Variants in RBFOX3 observed in about 807,000 individuals in gnomAD.
RBFOX3 encodes the protein RNA binding fox-1 homolog 3.
Under a neutral mutation model 48.7 loss-of-function variants are expected in RBFOX3, and 17 were observed. That is an observed-to-expected ratio of 0.35 (90% CI 0.24 to 0.52). The LOEUF (loss-of-function observed/expected upper bound fraction) is 0.52, where lower values mean the gene tolerates loss of function less well. Ranked by LOEUF, RBFOX3 falls within the 20% of genes least tolerant of loss-of-function variation. RBFOX3 has a pLI of 0.94. For synonymous variants in RBFOX3, 212 were observed against 209.5 expected (o/e 1.01, Z -0.10); for missense variants, 382 against 497.5 (o/e 0.77, Z 2.21).
intron 2 of RBFOX3, among the ~76,000 whole-genome samples, chr17:79,478,847 T>G (rs1005283868): frequency 6.6e-5 from 10 of 152,172 alleles, no homozygotes; most frequent in African/African-American, 2.4e-4. Context: ...TACTATACAG[T>G]AAAACCCAAA....
At chr17:79,097,940 ACT>A in intron 9 of RBFOX3, 195 bp from the exon 10 acceptor site, 1 of 602,390 alleles carries the variant, frequency 1.7e-6, no homozygotes, top group Non-Finnish European at 3.0e-6. Context: ...CTCCTTCCTG[ACT>A]CTTCTGCCTG....
At chr17:79,474,942 T>C (rs2077518116) in intron 2 of RBFOX3, among the ~76,000 whole-genome samples, 1 of 152,162 alleles carries the variant, frequency 6.6e-6, no homozygotes, top group Admixed American at 6.5e-5. Flanking sequence ...AAGAGCCCCC[T>C]GGAGAGACCT....
chr17:79,097,213 A>T, intron 11 of RBFOX3, 79 bp downstream of exon 11: 1 of 906,192 alleles, frequency 1.1e-6, no homozygotes, highest in Non-Finnish European at 1.5e-6. Flanking sequence ...AGCCCCTCGC[A>T]CTGCGCAGGG....
chr17:79,135,467 C>T (rs2039976053), intron 4 of RBFOX3, among the ~76,000 whole-genome samples: 1 of 152,208 alleles, frequency 6.6e-6, no homozygotes, highest in South Asian at 2.1e-4. Flanking sequence ...GGGATGCTCC[C>T]TGGGAGGCCT....
chr17:79,294,099 G>T (rs2073917908), intron 3 of RBFOX3, among the ~76,000 whole-genome samples: 1 of 152,156 alleles, frequency 6.6e-6, no homozygotes, highest in Non-Finnish European at 1.5e-5. Flanking sequence ...CTTCAACTGG[G>T]GCCACCTGCT....
Position 79,106,695 on chromosome 17 carries a change from T to C in RBFOX3, c.316A>G (p.Ile106Val). The change falls in exon 6 of 15, where the codon ATC (isoleucine) becomes GTC (valine). Residue 106 changes from isoleucine (I) to valine (V), a missense_variant. Coordinates refer to ENST00000693108, the MANE Select transcript of RBFOX3 (RefSeq NM_001350451.2). The part of the protein sequence containing the change: ...QQPKRLHVSN[I>V]PFRFRDPDLR... ...TCGGGGTCCCTGAACCGGAAGGGGA[T>C]GTTGGAGACGTGTAGCCGCTTGGGC... The C allele has an allele frequency of 1.3e-6, 2 of 1,490,840 alleles. No individual in the cohort carries two copies. Among genetic ancestry groups the C allele is most frequent in the Non-Finnish European group, 1.8e-6 (2 of 1,124,920 alleles). The allele number at this position is 1,490,840 out of a possible 1,614,324, so 92.4% of individuals were successfully genotyped here.
chr17:79,324,929 C>A, intron 2 of RBFOX3, among the ~76,000 whole-genome samples: 1 of 152,230 alleles, frequency 6.6e-6, no homozygotes, highest in East Asian at 1.9e-4. Flanking sequence ...CTATCCTCTG[C>A]CTGGGATTTT....
intron 1 of RBFOX3, among the ~76,000 whole-genome samples, chr17:79,582,782 CAAA>C (rs36155299): frequency 2.1e-5 from 1 of 46,908 alleles, no homozygotes; most frequent in African/African-American, 1.0e-4. Context: ...GACCCCGTCT[CAAA>C]AAAAAAAAAA....
At chr17:79,437,057 C>T (rs2069632539) in intron 2 of RBFOX3, among the ~76,000 whole-genome samples, 1 of 152,130 alleles carries the variant, frequency 6.6e-6, no homozygotes, top group Non-Finnish European at 1.5e-5. Flanking sequence ...TACAGGCCGC[C>T]CCGATTCCCT....
In RBFOX3 at chr17:79,407,976, A is replaced by C. The variant is rs148287102; in HGVS notation, c.-175+74478T>G. On this transcript the variant is annotated intron_variant, in intron 2 of 14. Coordinates refer to ENST00000693108, the MANE Select transcript of RBFOX3 (RefSeq NM_001350451.2). Reference sequence around the variant, plus strand: ...GCTTCTCCTCCAAGGAGCTGTGTCGAGCACGGAACCCAGGTCCCAGCTAGT... The same window carrying C: ...GCTTCTCCTCCAAGGAGCTGTGTCGCGCACGGAACCCAGGTCCCAGCTAGT... Among the ~76,000 whole-genome samples, 1,399 of 152,328 alleles carry C rather than the reference A, an allele frequency of 9.2e-3. 25 individuals carry two copies. The highest frequency in any genetic ancestry group is 0.032 in the African/African-American group (1,351 of 41,572).
chr17:79,445,068 G>A (rs1248684336), intron 2 of RBFOX3, among the ~76,000 whole-genome samples: 1 of 152,124 alleles, frequency 6.6e-6, no homozygotes, highest in Non-Finnish European at 1.5e-5. Context: ...GTGTGTTGGA[G>A]CCTGTGTCAG....
chr17:79,365,452 T>C (rs1389380297), intron 2 of RBFOX3, among the ~76,000 whole-genome samples: 1 of 152,244 alleles, frequency 6.6e-6, no homozygotes, highest in Non-Finnish European at 1.5e-5. Flanking sequence ...ATGCCTGTGA[T>C]AACACTTTAT....
chr17:79,369,171 G>A (rs1213184521), intron 2 of RBFOX3, among the ~76,000 whole-genome samples: 2 of 152,202 alleles, frequency 1.3e-5, no homozygotes, highest in Non-Finnish European at 2.9e-5. Context: ...AAGCACACGA[G>A]CAACGGGCAA....
chr17:79,273,616 G>T (rs2068160762), intron 3 of RBFOX3, among the ~76,000 whole-genome samples: 3 of 152,052 alleles, frequency 2.0e-5, no homozygotes, highest in Non-Finnish European at 4.4e-5. Flanking sequence ...GTCCTGGGGG[G>T]CAGCGTGAGG....
chr17:79,417,226 C>G (rs940493125), intron 2 of RBFOX3, among the ~76,000 whole-genome samples: 49 of 152,322 alleles, frequency 3.2e-4, no homozygotes, highest in African/African-American at 1.2e-3. Flanking sequence ...CTTCTCCTTG[C>G]TCCCCGTAAG....
In RBFOX3 at chr17:79,418,326, G is replaced by C. The variant is rs113931152; in HGVS notation, c.-175+64128C>G. 6.6e-6 allele frequency among the ~76,000 whole-genome samples: 1 copy of C among 152,116 alleles called. No individual in the cohort carries two copies. Among genetic ancestry groups the C allele is most frequent in the African/African-American group, 2.4e-5 (1 of 41,414 alleles). On this transcript the variant is annotated intron_variant, in intron 2 of 14. Transcript: ENST00000693108. The surrounding 1 kb of genome is among the most constrained non-coding windows in gnomAD (Gnocchi z 5.0). ...CTTGCACACCCACCCATGCACACGC[G>C]TGCACACACGTTTCCCACACTAAAA...
intron 4 of RBFOX3, among the ~76,000 whole-genome samples, chr17:79,181,711 A>G (rs889064078): frequency 2.6e-5 from 4 of 152,084 alleles, no homozygotes; most frequent in Non-Finnish European, 5.9e-5. Flanking sequence ...TGACCATCAC[A>G]CAGTTCCCCT....
chr17:79,322,380 T>C (rs762367746), intron 2 of RBFOX3, among the ~76,000 whole-genome samples: 8 of 152,036 alleles, frequency 5.3e-5, no homozygotes, highest in Non-Finnish European at 7.4e-5. Flanking sequence ...AGTCATTAAG[T>C]GAGATGGCAC....
In RBFOX3 at chr17:79,242,500, T is replaced by C. The variant is rs532312774; in HGVS notation, c.-73-6695A>G. Among the ~76,000 whole-genome samples, 1 of 152,192 alleles carries C rather than the reference T, an allele frequency of 6.6e-6. No homozygotes were observed. The highest frequency in any genetic ancestry group is 2.1e-4 in the South Asian group (1 of 4,808). ...AGCCACATCTATTTAATGTGATGTTTTCCTCCTTCTTCTGAATAGAAATTT... is the reference window on the plus strand; with the variant it reads ...AGCCACATCTATTTAATGTGATGTTCTCCTCCTTCTTCTGAATAGAAATTT... On this transcript the variant is annotated intron_variant, in intron 3 of 14. Transcript: ENST00000693108. This position sits in a 1 kb window ranked among gnomAD's most constrained non-coding sequence, Gnocchi z 5.8.
Sources: allele counts gnomAD v4.1 joint callset (sites outside exome capture counted in the v4.1 genomes callset), GRCh38; gene constraint gnomAD v4.1.1; non-coding constraint Gnocchi (gnomAD v3.1); transcripts MANE v1.5; gene names NCBI Gene and HGNC (gene_info 2026-07-23, HGNC 2026-07-21).